The following NLGN1 variants were observed in gnomAD, a reference collection of about 807,000 sequenced individuals.
The protein encoded by NLGN1 is neuroligin 1.
In NLGN1, 12 loss-of-function variants were observed where a neutral mutation model predicts 65.5. That is an observed-to-expected ratio of 0.18 (90% confidence interval 0.12 to 0.30). The LOEUF (loss-of-function observed/expected upper bound fraction) is 0.30. Ranked by LOEUF, NLGN1 falls within the 10% of genes least tolerant of loss-of-function variation. The probability of loss-of-function intolerance (pLI) is 1.00; values close to 1 mark genes in which losing one functional copy is unlikely to be tolerated. For synonymous variants in NLGN1, 350 were observed against 359.5 expected (o/e 0.97, Z 0.30); for missense variants, 750 against 1,007.1 (o/e 0.74, Z 3.46).
At chr3:173,879,438 G>A (rs375441950) in intron 4 of NLGN1, among the ~76,000 whole-genome samples, 1 of 152,056 alleles carries the variant, frequency 6.6e-6, no homozygotes, top group East Asian at 1.9e-4. Flanking sequence ...AGTTCTAAAA[G>A]ATTCATTTTT....
chr3:174,064,069 G>T (rs939455562), intron 4 of NLGN1, among the ~76,000 whole-genome samples: 6 of 152,026 alleles, frequency 3.9e-5, no homozygotes, highest in African/African-American at 1.2e-4. Flanking sequence ...TTGAACCCGG[G>T]AGGCAGAGGT....
chr3:173,989,555 C>T (rs1720661868), intron 4 of NLGN1, among the ~76,000 whole-genome samples: 1 of 152,106 alleles, frequency 6.6e-6, no homozygotes, highest in African/African-American at 2.4e-5. Context: ...CTAGGAGTCT[C>T]CTGTAATGTT....
intron 2 of NLGN1, among the ~76,000 whole-genome samples, chr3:173,465,900 C>A (rs1724263485): frequency 6.6e-6 from 1 of 152,046 alleles, no homozygotes; most frequent in Non-Finnish European, 1.5e-5. Context: ...AAATATTTGG[C>A]TTGTTAATGA....
intron 4 of NLGN1, among the ~76,000 whole-genome samples, chr3:174,180,521 A>G (rs528758851): frequency 3.9e-5 from 6 of 152,306 alleles, no homozygotes; most frequent in African/African-American, 1.4e-4. Flanking sequence ...AAAGGTTGCT[A>G]GTCTCTTCTC....
chr3:174,180,051 G>C (rs937815572), intron 4 of NLGN1, among the ~76,000 whole-genome samples: 1 of 152,088 alleles, frequency 6.6e-6, no homozygotes, highest in South Asian at 2.1e-4. Flanking sequence ...TAAAATAAAA[G>C]AGCTGTCAAG....
chr3:173,540,053 G>T (rs1333457918), intron 2 of NLGN1, among the ~76,000 whole-genome samples: 2 of 151,738 alleles, frequency 1.3e-5, no homozygotes, highest in Admixed American at 1.3e-4. Flanking sequence ...TAATTTGGTG[G>T]CTTCTGGTTA....
At chr3:173,924,687 T>A (rs73037247) in intron 4 of NLGN1, among the ~76,000 whole-genome samples, 12,948 of 151,980 alleles carry the variant, frequency 0.085, 1,340 homozygotes, top group African/African-American at 0.25. Context: ...CAAAACAATT[T>A]TTATAACATG....
chr3:173,938,502 A>T (rs368147351), intron 4 of NLGN1, among the ~76,000 whole-genome samples: 2 of 152,170 alleles, frequency 1.3e-5, no homozygotes, highest in African/African-American at 4.8e-5. Flanking sequence ...TTGTTGTATT[A>T]AACCACTGAG....
At chr3:174,193,766 G>A (rs1243248499) in intron 4 of NLGN1, among the ~76,000 whole-genome samples, 1 of 152,136 alleles carries the variant, frequency 6.6e-6, no homozygotes, top group East Asian at 1.9e-4. Context: ...TAGCATCACT[G>A]TGCTATCTTG....
chr3:174,083,500 C>T (rs16833127), intron 4 of NLGN1, among the ~76,000 whole-genome samples: 5,696 of 151,966 alleles, frequency 0.037, 287 homozygotes, highest in African/African-American at 0.11. Flanking sequence ...CAGTGTTCTT[C>T]GAAAACACAT....
In NLGN1 at chr3:174,114,182, C is replaced by G. The variant is rs1715854674; in HGVS notation, c.647-161133C>G. Among the ~76,000 whole-genome samples, 2 of 152,108 alleles carry G rather than the reference C, an allele frequency of 1.3e-5. 1 individual carries two copies. The highest frequency in any genetic ancestry group is 4.1e-4 in the South Asian group (2 of 4,832). On this transcript the variant is annotated intron_variant, in intron 4 of 6. Coordinates refer to ENST00000457714, the Ensembl canonical transcript of NLGN1. ...AGCATTGGCCTTAATTTTTCAGTGC[C>G]ATGCCTGCACAGGCTTTAGTTTTTA...
chr3:173,810,436 G>C (rs1476274727), intron 4 of NLGN1, among the ~76,000 whole-genome samples: 1 of 152,192 alleles, frequency 6.6e-6, no homozygotes, highest in Non-Finnish European at 1.5e-5. Flanking sequence ...AGGAAATCCT[G>C]AGCTGTGTTT....
intron 4 of NLGN1, among the ~76,000 whole-genome samples, chr3:174,268,280 C>T (rs1206516712): frequency 3.9e-5 from 6 of 152,248 alleles, no homozygotes; most frequent in East Asian, 1.9e-4. Flanking sequence ...ACAGGAACTT[C>T]GTGAACTTTG....
intron 3 of NLGN1, among the ~76,000 whole-genome samples, chr3:173,658,690 T>C (rs1048028583): frequency 6.6e-6 from 1 of 151,962 alleles, no homozygotes; most frequent in Non-Finnish European, 1.5e-5. Flanking sequence ...AACTAAGACT[T>C]CCTTGGGATT....
intron 4 of NLGN1, among the ~76,000 whole-genome samples, chr3:174,254,306 A>C (rs1170953981): frequency 2.6e-5 from 3 of 113,774 alleles, no homozygotes; most frequent in Admixed American, 1.9e-4. Context: ...GTCCTTTTTA[A>C]TTTTTTTTTT....
intron 3 of NLGN1, among the ~76,000 whole-genome samples, chr3:173,748,700 T>C (rs16830111): frequency 6.6e-6 from 1 of 152,102 alleles, no homozygotes. Context: ...TTGGTCTTGG[T>C]CTTTTGACTT....
intron 3 of NLGN1, among the ~76,000 whole-genome samples, chr3:173,618,979 T>C (rs1386987975): frequency 6.6e-6 from 1 of 152,136 alleles, no homozygotes; most frequent in Non-Finnish European, 1.5e-5. Context: ...ATCCCTGAGC[T>C]CAGAATGGCC....
chr3:174,142,862 A>G (rs551766027), intron 4 of NLGN1, among the ~76,000 whole-genome samples: 1 of 152,138 alleles, frequency 6.6e-6, no homozygotes, highest in African/African-American at 2.4e-5. Context: ...TAAAGAAAAG[A>G]GGTTTATTTG....
intron 4 of NLGN1, among the ~76,000 whole-genome samples, chr3:174,004,376 C>T (rs951700205): frequency 6.6e-6 from 1 of 152,056 alleles, no homozygotes; most frequent in African/African-American, 2.4e-5. Flanking sequence ...TTTATAGTAG[C>T]TTGTTAGTAT....
Sources: gnomAD v4.1 joint callset for allele counts (sites outside exome capture counted in the v4.1 genomes callset) on GRCh38, gnomAD v4.1.1 for gene constraint, MANE v1.5 for transcripts, NCBI Gene and HGNC (gene_info 2026-07-23, HGNC 2026-07-21) for gene names.